Variants in APOO observed in about 807,000 individuals in gnomAD.
APOO encodes apolipoprotein O, also known as MICOS complex subunit MIC26.
In APOO, 11 loss-of-function variants were observed where a neutral mutation model predicts 23.1. The ratio of observed to expected loss-of-function variants is 0.48; its 90% CI spans 0.30 to 0.79. The LOEUF (loss-of-function observed/expected upper bound fraction) is 0.79. Ranked by LOEUF, APOO falls within the 30% of genes least tolerant of loss-of-function variation. The probability of loss-of-function intolerance (pLI) is 0.07; values close to 1 mark genes in which losing one functional copy is unlikely to be tolerated. For missense variants in APOO, 160 were observed against 142.7 expected (o/e 1.12, Z -0.62); for synonymous variants, 59 against 54.8 (o/e 1.08, Z -0.34).
At chrX:23,848,094 C>T (rs1487606002) in intron 7 of APOO, among the ~76,000 whole-genome samples, 2 of 107,597 alleles carry the variant, frequency 1.9e-5, no homozygotes, top group African/African-American at 6.8e-5. Context: ...AGGATGGTCT[C>T]GATCTCCTGA....
At chrX:23,902,225 C>A (rs1443819594) in intron 1 of APOO, among the ~76,000 whole-genome samples, 1 of 111,851 alleles carries the variant, frequency 8.9e-6, no homozygotes, top group Admixed American at 9.6e-5. Context: ...CGTTAACGGA[C>A]CTTTAATGTC....
chrX:23,905,386 T>C (rs991897050), intron 1 of APOO, among the ~76,000 whole-genome samples: 10 of 109,241 alleles, frequency 9.2e-5, no homozygotes, highest in African/African-American at 3.0e-4. Context: ...CCAGACTCTG[T>C]CTGAAAAAAA....
intron 1 of APOO, among the ~76,000 whole-genome samples, chrX:23,901,927 C>T (rs183864682): frequency 2.6e-4 from 29 of 112,377 alleles, no homozygotes; most frequent in Admixed American, 1.8e-3. Context: ...TGTGTCCTTG[C>T]ATGTGCTTTT....
intron 1 of APOO, among the ~76,000 whole-genome samples, chrX:23,887,229 CTTTTTT>C (rs765596270): frequency 1.0e-3 from 56 of 54,225 alleles, no homozygotes; most frequent in African/African-American, 3.2e-3. Flanking sequence ...TTCTTTTTCC[CTTTTTT>C]TTTTTTTTTT....
intron 8 of APOO, among the ~76,000 whole-genome samples, chrX:23,836,562 C>T (rs1212780737): frequency 9.0e-6 from 1 of 111,480 alleles, no homozygotes; most frequent in Non-Finnish European, 1.9e-5. Context: ...ATCCGCCCAC[C>T]TCAGCTTCCC....
intron 1 of APOO, among the ~76,000 whole-genome samples, chrX:23,897,994 CAA>C (rs1159982523): frequency 1.8e-4 from 7 of 38,252 alleles, no homozygotes; most frequent in Admixed American, 6.7e-4. Context: ...GATTCTGTCT[CAA>C]AAAAAAAAAA....
intron 1 of APOO, among the ~76,000 whole-genome samples, chrX:23,896,433 C>T (rs1055750338): frequency 7.5e-4 from 84 of 111,488 alleles, no homozygotes; most frequent in African/African-American, 2.7e-3. Context: ...AGGTTTGCCA[C>T]AAAGTTTGAA....
intron 2 of APOO, 149 bp from the exon 3 acceptor site, chrX:23,879,183 C>G (rs1044712129): frequency 9.7e-6 from 7 of 723,053 alleles, no homozygotes; most frequent in Non-Finnish European, 1.1e-5. Flanking sequence ...CGCTTGTAAT[C>G]CCAGCACTTT....
At chrX:23,857,097 G>T (rs1924816008) in intron 6 of APOO, among the ~76,000 whole-genome samples, 1 of 110,616 alleles carries the variant, frequency 9.0e-6, no homozygotes, top group South Asian at 3.8e-4. Context: ...AGGGTGGAGG[G>T]TGAGAAGAGG....
chrX:23,846,310 C>CAAA (rs1227084225), intron 7 of APOO, among the ~76,000 whole-genome samples: 9 of 33,913 alleles, frequency 2.7e-4, no homozygotes, highest in East Asian at 1.0e-3. Flanking sequence ...GACTCCATCT[C>CAAA]AAAAAAAAAA....
intron 1 of APOO, among the ~76,000 whole-genome samples, chrX:23,881,945 C>A (rs2062081461): frequency 3.2e-5 from 1 of 31,495 alleles, no homozygotes; most frequent in African/African-American, 1.5e-4. Flanking sequence ...GAGACTCCAC[C>A]TCAAAAAAAA....
At chrX:23,841,182 T>A (rs1457809406) in intron 7 of APOO, among the ~76,000 whole-genome samples, 2 of 111,338 alleles carry the variant, frequency 1.8e-5, no homozygotes, top group African/African-American at 6.5e-5. Flanking sequence ...TCAGAGTTAT[T>A]CATGGATGAA....
At chrX:23,893,712 G>A (rs772576270) in intron 1 of APOO, among the ~76,000 whole-genome samples, 1 of 110,665 alleles carries the variant, frequency 9.0e-6, no homozygotes, top group Non-Finnish European at 1.9e-5. Flanking sequence ...GGAATAATAG[G>A]TGCCTGCCAC....
At chrX:23,893,311 A>G (rs946654001) in intron 1 of APOO, among the ~76,000 whole-genome samples, 4 of 108,522 alleles carry the variant, frequency 3.7e-5, no homozygotes, top group Non-Finnish European at 7.6e-5. Context: ...GGGAACCTGT[A>G]GTCCCAGATA....
intron 7 of APOO, among the ~76,000 whole-genome samples, chrX:23,845,277 G>T (rs915541845): frequency 8.9e-6 from 1 of 111,787 alleles, no homozygotes; most frequent in Non-Finnish European, 1.9e-5. Context: ...TAGAATTTTA[G>T]ACAGCAAAAA....
At chrX:23,874,559 T>C in intron 3 of APOO, 102 bp from the exon 4 acceptor site, 1 of 707,042 alleles carries the variant, frequency 1.4e-6, no homozygotes, top group Admixed American at 2.5e-5. Flanking sequence ...AATTATCATG[T>C]TATTAACGCT....
rs974439470 is a variant in APOO, at chrX:23,896,232, C to T, written c.9+11462G>A. 8.3e-5 allele frequency among the ~76,000 whole-genome samples: 9 copies of T among 108,791 alleles called. No individual in the cohort carries two copies. In the East Asian group the frequency reaches 2.1e-3, roughly 25 times the overall value. The allele number at this position is 108,791 out of a possible 115,157, so 94.5% of individuals were successfully genotyped here. The stretch of plus-strand genomic sequence containing the variant: ...GCGGTGAACGAAGATGGCGCCACTG[C>T]ACTCCAGCCTGGGCAACAGAGTAAG... On this transcript the variant is annotated intron_variant, in intron 1 of 8. Coordinates refer to ENST00000379226, the MANE Select transcript of APOO (RefSeq NM_024122.5).
chrX:23,865,104 C>T (rs1347301030), intron 5 of APOO, among the ~76,000 whole-genome samples: 1 of 111,482 alleles, frequency 9.0e-6, no homozygotes. Context: ...CTGCCAGGGG[C>T]GGGGGGAACC....
intron 8 of APOO, chrX:23,836,642 C>CTTT: frequency 1.7e-6 from 1 of 581,123 alleles, no homozygotes; most frequent in Admixed American, 4.5e-5. Flanking sequence ...TTTTTTTTTT[C>CTTT]CCCAAATCAA....
Sources: allele counts gnomAD v4.1 joint callset (sites outside exome capture counted in the v4.1 genomes callset), GRCh38; gene constraint gnomAD v4.1.1; transcripts MANE v1.5; gene names NCBI Gene and HGNC (gene_info 2026-07-23, HGNC 2026-07-21).